Variants in EYS observed in about 807,000 individuals in gnomAD.
EYS encodes EGF-like photoreceptor maintenance factor.
Under a neutral mutation model 282.1 loss-of-function variants are expected in EYS, and 250 were observed. The ratio of observed to expected loss-of-function variants is 0.89; its 90% CI spans 0.80 to 0.98. EYS has a LOEUF of 0.98. Ranked by LOEUF, EYS falls within the 50% of genes least tolerant of loss-of-function variation. The pLI is 0.00. For missense variants in EYS, 4,016 were observed against 3,709.0 expected (o/e 1.08, Z -2.15); for synonymous variants, 1,355 against 1,282.9 (o/e 1.06, Z -1.20).
At chr6:64,374,593 T>C (rs548672937) in intron 29 of EYS, among the ~76,000 whole-genome samples, 7 of 152,322 alleles carry the variant, frequency 4.6e-5, no homozygotes, top group Non-Finnish European at 8.8e-5. Flanking sequence ...TCTTCTCTGC[T>C]TCTTGTGTTC....
At chr6:64,952,416 A>G (rs1769543847) in intron 14 of EYS, among the ~76,000 whole-genome samples, 1 of 152,028 alleles carries the variant, frequency 6.6e-6, no homozygotes, top group South Asian at 2.1e-4. Context: ...ACGAGGGTAT[A>G]AGAAGTACAG....
At chr6:64,724,707 T>C (rs900138138) in intron 22 of EYS, among the ~76,000 whole-genome samples, 2 of 152,194 alleles carry the variant, frequency 1.3e-5, no homozygotes, top group African/African-American at 4.8e-5. Context: ...TGTATTATTA[T>C]ATACATCATC....
intron 41 of EYS, among the ~76,000 whole-genome samples, chr6:63,761,871 G>A (rs1769651589): frequency 6.6e-6 from 1 of 151,968 alleles, no homozygotes; most frequent in Admixed American, 6.6e-5. Context: ...GTCCCAGCCA[G>A]GTATTAAAGA....
At chr6:64,928,005 A>T (rs773878009) in intron 15 of EYS, among the ~76,000 whole-genome samples, 1 of 152,126 alleles carries the variant, frequency 6.6e-6, no homozygotes, top group East Asian at 1.9e-4. Context: ...AGGGTGATGG[A>T]TAAGTTCTAT....
intron 22 of EYS, among the ~76,000 whole-genome samples, chr6:64,634,573 G>C (rs1435663871): frequency 6.8e-6 from 1 of 147,114 alleles, no homozygotes; most frequent in Non-Finnish European, 1.5e-5. Context: ...GAGCCCTAAG[G>C]CACAAAAGTA....
chr6:64,144,191 T>C (rs925860549), intron 31 of EYS, among the ~76,000 whole-genome samples: 10 of 152,182 alleles, frequency 6.6e-5, no homozygotes, highest in African/African-American at 2.4e-4. Context: ...AAGAGTGTTA[T>C]AGGTCTAGAA....
chr6:65,293,066 A>T (rs1202477682), intron 12 of EYS, among the ~76,000 whole-genome samples: 1 of 151,666 alleles, frequency 6.6e-6, no homozygotes, highest in East Asian at 1.9e-4. Flanking sequence ...TTGTCTAAGA[A>T]CTTGAATCCT....
intron 19 of EYS, among the ~76,000 whole-genome samples, chr6:64,838,617 TACACAC>T (rs56901295): frequency 8.6e-4 from 128 of 149,700 alleles, no homozygotes; most frequent in Non-Finnish European, 1.5e-3. Context: ...TCTGTTTCTC[TACACAC>T]ACACACACAC....
intron 26 of EYS, among the ~76,000 whole-genome samples, chr6:64,512,625 TG>T (rs200547947): frequency 0.024 from 3,557 of 150,642 alleles, 135 homozygotes; most frequent in African/African-American, 0.083. Flanking sequence ...TTGAGGAAAG[TG>T]GGAAAAAAAG....
At chr6:64,211,173 TC>T (rs1463198116) in intron 31 of EYS, among the ~76,000 whole-genome samples, 1 of 152,140 alleles carries the variant, frequency 6.6e-6, no homozygotes, top group Non-Finnish European at 1.5e-5. Context: ...AATCTATCTA[TC>T]CGTCTATCTT....
chr6:64,327,188 A>G (rs902730379), intron 29 of EYS, among the ~76,000 whole-genome samples: 13 of 152,094 alleles, frequency 8.5e-5, no homozygotes, highest in African/African-American at 3.1e-4. Context: ...GACACTGTAT[A>G]CAGCCCATAG....
chr6:64,096,727 C>G (rs777535170), intron 31 of EYS, among the ~76,000 whole-genome samples: 1 of 152,062 alleles, frequency 6.6e-6, no homozygotes, highest in East Asian at 1.9e-4. Context: ...GTAGTTTGAT[C>G]GTCTGAAGCC....
intron 35 of EYS, among the ~76,000 whole-genome samples, chr6:63,971,353 A>C (rs564422238): frequency 2.0e-5 from 3 of 152,360 alleles, no homozygotes; most frequent in Admixed American, 2.0e-4. Context: ...TGTTTAATAC[A>C]TACAATGATA....
At chr6:63,724,698 TATC>T (rs773064566) in intron 42 of EYS, among the ~76,000 whole-genome samples, 1 of 152,142 alleles carries the variant, frequency 6.6e-6, no homozygotes, top group Non-Finnish European at 1.5e-5. Context: ...ATTTTCAAGT[TATC>T]ATTTTGTTTT....
At chr6:65,045,178 T>C (rs1168908326) in intron 13 of EYS, among the ~76,000 whole-genome samples, 3 of 151,876 alleles carry the variant, frequency 2.0e-5, no homozygotes. Context: ...GATTACTGTT[T>C]GCCTTTTTGT....
chr6:65,527,599 T>C (rs1767617225), intron 2 of EYS, among the ~76,000 whole-genome samples: 1 of 152,240 alleles, frequency 6.6e-6, no homozygotes, highest in Non-Finnish European at 1.5e-5. Flanking sequence ...ACAGGCCCAA[T>C]AATACAGATG....
At chr6:64,999,771 C>T (rs1198799378) in intron 13 of EYS, among the ~76,000 whole-genome samples, 1 of 152,126 alleles carries the variant, frequency 6.6e-6, no homozygotes, top group East Asian at 1.9e-4. Flanking sequence ...CACTGACAAG[C>T]GCCGGCACGC....
intron 19 of EYS, among the ~76,000 whole-genome samples, chr6:64,838,465 A>G (rs927815346): frequency 1.3e-4 from 19 of 151,964 alleles, no homozygotes; most frequent in African/African-American, 4.3e-4. Flanking sequence ...AAATGAGAGT[A>G]AAACAGTGCA....
chr6:63,818,536 C>G (rs1336874172), intron 36 of EYS, among the ~76,000 whole-genome samples: 1 of 152,142 alleles, frequency 6.6e-6, no homozygotes, highest in Non-Finnish European at 1.5e-5. Context: ...CTCCCTGAGG[C>G]CTATCTTGTC....
Sources: gnomAD v4.1 joint callset for allele counts (sites outside exome capture counted in the v4.1 genomes callset) on GRCh38, gnomAD v4.1.1 for gene constraint, MANE v1.5 for transcripts, NCBI Gene and HGNC (gene_info 2026-07-23, HGNC 2026-07-21) for gene names.